PCDHA6: variants seen among roughly 807,000 people sequenced by gnomAD.
PCDHA6 encodes the protein protocadherin alpha 6, also known as protocadherin alpha-6.
A neutral mutation model predicts 60.3 loss-of-function variants in PCDHA6; 55 were observed. The observed-to-expected ratio is 0.91, with a 90% CI of 0.73 to 1.14. The LOEUF (loss-of-function observed/expected upper bound fraction) is 1.14, where lower values mean the gene tolerates loss of function less well. Among genes scored for constraint, PCDHA6 ranks in the 50% most tolerant of loss-of-function variants. The pLI, the probability that PCDHA6 is intolerant of heterozygous loss-of-function variation, is 0.00. For synonymous variants in PCDHA6, 652 were observed against 557.9 expected (o/e 1.17, Z -2.38); for missense variants, 1,327 against 1,256.5 (o/e 1.06, Z -0.85).
intron 1 of PCDHA6, among the ~76,000 whole-genome samples, chr5:140,897,369 T>C (rs183566624): frequency 0.013 from 1,702 of 128,706 alleles, 36 homozygotes; most frequent in African/African-American, 0.049. Flanking sequence ...GAGTGTGATG[T>C]TCCCTTCCCC....
chr5:140,872,711 G>A (rs968537483), intron 1 of PCDHA6, among the ~76,000 whole-genome samples: 1 of 152,206 alleles, frequency 6.6e-6, no homozygotes, highest in South Asian at 2.1e-4. Context: ...AAGGAAACTA[G>A]GTAAATAAAA....
Position 140,876,083 on chromosome 5 carries a change from A to C in PCDHA6, c.2394+45598A>C. 1 of 1,613,974 alleles carries C rather than the reference A, an allele frequency of 6.2e-7. No individual in the cohort carries two copies. The highest frequency in any genetic ancestry group is 8.5e-7 in the Non-Finnish European group (1 of 1,179,900). ...CTTCGGAAGTTATTGGACAGAGAGC[A>C]AACGCCAAAACTCAATTTATTGCTG... On this transcript the variant is annotated intron_variant, in intron 1 of 3. Coordinates refer to ENST00000529310, the MANE Select transcript of PCDHA6 (RefSeq NM_018909.4).
intron 1 of PCDHA6, among the ~76,000 whole-genome samples, chr5:140,949,308 G>T (rs1323575169): frequency 6.6e-6 from 1 of 151,722 alleles, no homozygotes; most frequent in African/African-American, 2.4e-5. Flanking sequence ...TGGGTGTAAT[G>T]ATTTATAAAT....
chr5:140,919,480 T>C (rs1745975489), intron 1 of PCDHA6, among the ~76,000 whole-genome samples: 1 of 152,198 alleles, frequency 6.6e-6, no homozygotes, highest in Admixed American at 6.5e-5. Context: ...TATTTGGATT[T>C]ATGTTTGTTA....
intron 1 of PCDHA6, among the ~76,000 whole-genome samples, chr5:140,838,140 G>A (rs1775567659): frequency 6.9e-6 from 1 of 145,908 alleles, no homozygotes; most frequent in Admixed American, 6.9e-5. Context: ...GTTTGACAGA[G>A]TTTTACTCTG....
chr5:140,947,704 G>T (rs1199039011), intron 1 of PCDHA6, among the ~76,000 whole-genome samples: 2 of 151,488 alleles, frequency 1.3e-5, no homozygotes, highest in East Asian at 3.9e-4. Flanking sequence ...GTAGTTTTAA[G>T]TATTGAGGTT....
At chr5:140,891,052 A>T (rs1554184638) in intron 1 of PCDHA6, among the ~76,000 whole-genome samples, 1 of 152,200 alleles carries the variant, frequency 6.6e-6, no homozygotes, top group Non-Finnish European at 1.5e-5. Flanking sequence ...CCCACAGCAC[A>T]TAGTAAATAT....
chr5:140,878,125 A>T (rs1286133298), intron 1 of PCDHA6: 1 of 214,326 alleles, frequency 4.7e-6, no homozygotes, highest in Non-Finnish European at 9.0e-6. Flanking sequence ...ATATTAGATT[A>T]AAAAGTGGCC....
intron 1 of PCDHA6, chr5:140,876,048 T>C (rs376201695): frequency 6.2e-7 from 1 of 1,613,930 alleles, no homozygotes. Context: ...GTATATTGCC[T>C]GAATTAGTTC....
chr5:140,977,665 A>G (rs1554238741), intron 1 of PCDHA6, among the ~76,000 whole-genome samples: 1 of 152,202 alleles, frequency 6.6e-6, no homozygotes, highest in Non-Finnish European at 1.5e-5. Flanking sequence ...AATTCTCTGC[A>G]TGCCAAATAT....
chr5:140,946,508 G>A (rs1352307719), intron 1 of PCDHA6, among the ~76,000 whole-genome samples: 3 of 151,202 alleles, frequency 2.0e-5, no homozygotes, highest in Non-Finnish European at 3.0e-5. Flanking sequence ...GTATGTCAAA[G>A]ACCTATCCGC....
At chr5:140,929,207 G>C (rs782298445) in intron 1 of PCDHA6, 2 of 1,613,988 alleles carry the variant, frequency 1.2e-6, no homozygotes, top group Admixed American at 1.7e-5. Context: ...TTGCTGTTGC[G>C]TGGGGAGTAC....
At chr5:140,945,147 T>C (rs1554216774) in intron 1 of PCDHA6, among the ~76,000 whole-genome samples, 1 of 152,154 alleles carries the variant, frequency 6.6e-6, no homozygotes, top group Non-Finnish European at 1.5e-5. Flanking sequence ...ATAGCATTTC[T>C]ATACACTATT....
intron 1 of PCDHA6, chr5:140,882,203 TGA>T: frequency 6.5e-7 from 1 of 1,530,090 alleles, no homozygotes; most frequent in Non-Finnish European, 8.8e-7. Flanking sequence ...AATTGGGCCT[TGA>T]GAGACAGTTT....
chr5:140,845,984 T>C (rs2150383304), intron 1 of PCDHA6, among the ~76,000 whole-genome samples: 2 of 149,806 alleles, frequency 1.3e-5, no homozygotes, highest in African/African-American at 4.9e-5. Flanking sequence ...ATATTTTGAA[T>C]GTTGTGTGGT....
At chr5:140,990,176 T>G (rs1294066255) in intron 3 of PCDHA6, among the ~76,000 whole-genome samples, 1 of 152,142 alleles carries the variant, frequency 6.6e-6, no homozygotes, top group Non-Finnish European at 1.5e-5. Context: ...AAAAGGTGAC[T>G]TTTAAGAACC....
intron 1 of PCDHA6, chr5:140,881,384 G>T (rs1299609025): frequency 2.0e-6 from 2 of 984,186 alleles, no homozygotes; most frequent in Non-Finnish European, 2.4e-6. Flanking sequence ...GCCGGCGGCG[G>T]TAAGTTAAAT....
At position 140,828,784 on chromosome 5, in the gene PCDHA6, A is replaced by G. The variant is rs140143150; in HGVS notation, c.693A>G (p.Thr231=). 13 of 1,614,228 alleles carry G rather than the reference A, an allele frequency of 8.1e-6. No homozygotes were observed. The South Asian group carries it at 1.3e-4, about 16-fold the overall frequency. ...ELTGTVQLLV[T]VLDVNDNAPT... ...CAGGCACTGTTCAGCTGCTGGTCAC[A>G]GTGCTGGATGTGAATGATAATGCTC... is the stretch of plus-strand genomic sequence containing the variant. Residue 231 remains threonine (T), a synonymous_variant, in exon 1 of 4, where the codon ACA becomes ACG. Transcript: ENST00000529310.
intron 1 of PCDHA6, among the ~76,000 whole-genome samples, chr5:140,972,775 T>C (rs1277210789): frequency 6.6e-6 from 1 of 151,656 alleles, no homozygotes; most frequent in Non-Finnish European, 1.5e-5. Context: ...GTGATTCTTC[T>C]GCCTCAGCCT....
Sources: gnomAD v4.1 joint callset for allele counts (sites outside exome capture counted in the v4.1 genomes callset) on GRCh38, gnomAD v4.1.1 for gene constraint, MANE v1.5 for transcripts, NCBI Gene and HGNC (gene_info 2026-07-23, HGNC 2026-07-21) for gene names.